The following TAFA5 variants were observed in gnomAD, a reference collection of about 807,000 sequenced individuals.
TAFA5 encodes the protein TAFA chemokine like family member 5, also known as chemokine-like protein TAFA-5.
A neutral mutation model predicts 15.3 loss-of-function variants in TAFA5; 6 were observed. The ratio of observed to expected loss-of-function variants is 0.39; its 90% CI spans 0.21 to 0.77. TAFA5 has a LOEUF of 0.77. TAFA5 is among the 30% of genes least tolerant of loss of function. The probability of loss-of-function intolerance (pLI) is 0.41; values close to 1 mark genes in which losing one functional copy is unlikely to be tolerated. For missense variants in TAFA5, 161 were observed against 193.1 expected (o/e 0.83, Z 0.98); for synonymous variants, 103 against 80.7 (o/e 1.28, Z -1.48).
In TAFA5 at chr22:48,749,917, T is replaced by C. The variant is rs1930433223; in HGVS notation, c.*70T>C. 2 of 1,418,134 alleles carry C rather than the reference T, an allele frequency of 1.4e-6. No individual in the cohort carries two copies. Among genetic ancestry groups the C allele is most frequent in the South Asian group, 1.2e-5 (1 of 81,462 alleles). The allele number at this position is 1,418,134 out of a possible 1,614,324, so 87.8% of individuals were successfully genotyped here. A position where few individuals can be genotyped will look rare whatever the true frequency, so the allele number is the denominator to read the frequency against. ...GGAGAGCCCACGTCTCAGCCACAGT[T>C]CTCCACTCGCCTCGGACTTCACCCG... is the stretch of plus-strand genomic sequence containing the variant. On this transcript the variant is annotated 3_prime_UTR_variant, in exon 4 of 4. Transcript: ENST00000402357.
intron 2 of TAFA5, among the ~76,000 whole-genome samples, chr22:48,684,807 G>T (rs982400271): frequency 6.6e-6 from 1 of 152,138 alleles, no homozygotes; most frequent in Non-Finnish European, 1.5e-5. Flanking sequence ...CCCAGGGCCC[G>T]ACCTGCTCAC....
intron 1 of TAFA5, among the ~76,000 whole-genome samples, chr22:48,642,585 A>AG (rs1926722008): frequency 6.6e-6 from 1 of 151,682 alleles, no homozygotes; most frequent in Non-Finnish European, 1.5e-5. Context: ...GCCGGCCTGG[A>AG]CCCCTCCCCA....
At chr22:48,703,148 ATGTGTGTGCCTG>A (rs1338591494) in intron 2 of TAFA5, among the ~76,000 whole-genome samples, 2 of 152,184 alleles carry the variant, frequency 1.3e-5, no homozygotes, top group African/African-American at 2.4e-5. Context: ...GTAAATGGGC[ATGTGTGTGCCTG>A]TGTGTGTGCC....
chr22:48,601,199 C>G (rs534843684), intron 1 of TAFA5, among the ~76,000 whole-genome samples: 1 of 152,186 alleles, frequency 6.6e-6, no homozygotes, highest in Admixed American at 6.5e-5. Flanking sequence ...GTGTAGGACT[C>G]GGTATTACCC....
At chr22:48,583,248 A>G (rs1569034747) in intron 1 of TAFA5, among the ~76,000 whole-genome samples, 1 of 149,872 alleles carries the variant, frequency 6.7e-6, no homozygotes, top group South Asian at 2.1e-4. Flanking sequence ...CACCGCACAC[A>G]CACCACACAC....
intron 1 of TAFA5, among the ~76,000 whole-genome samples, chr22:48,642,447 C>T (rs564646845): frequency 6.6e-6 from 1 of 152,326 alleles, no homozygotes; most frequent in South Asian, 2.1e-4. Flanking sequence ...CTGAACCCCC[C>T]TTTCTGAGAA....
intron 3 of TAFA5, among the ~76,000 whole-genome samples, chr22:48,723,389 T>C (rs1395988941): frequency 6.6e-6 from 1 of 152,132 alleles, no homozygotes; most frequent in East Asian, 1.9e-4. Context: ...GCACAGGTCC[T>C]TGGATGACAC....
At chr22:48,679,165 G>T (rs111166638) in intron 2 of TAFA5, among the ~76,000 whole-genome samples, 6,807 of 7,410 alleles carry the variant, frequency 0.92, 3,123 homozygotes, top group Middle Eastern at 1. Context: ...CTCCCGGCTC[G>T]GCGTCCATCC....
At chr22:48,597,986 C>T (rs889576040) in intron 1 of TAFA5, among the ~76,000 whole-genome samples, 1 of 152,208 alleles carries the variant, frequency 6.6e-6, no homozygotes, top group East Asian at 1.9e-4. Flanking sequence ...TGTCAGGGTT[C>T]TTCAGAGAAC....
At chr22:48,570,223 T>C (rs968683804) in intron 1 of TAFA5, among the ~76,000 whole-genome samples, 5 of 152,254 alleles carry the variant, frequency 3.3e-5, no homozygotes, top group African/African-American at 1.2e-4. Context: ...TCATGCCCGC[T>C]GAAAACATGG....
intron 3 of TAFA5, among the ~76,000 whole-genome samples, chr22:48,713,902 G>A (rs1929328164): frequency 6.6e-6 from 1 of 152,216 alleles, no homozygotes; most frequent in African/African-American, 2.4e-5. Context: ...TGTCAACGTG[G>A]CCCCACTAAC....
At chr22:48,493,294 G>A (rs1179423245) in intron 1 of TAFA5, among the ~76,000 whole-genome samples, 2 of 152,174 alleles carry the variant, frequency 1.3e-5, no homozygotes, top group African/African-American at 4.8e-5. Flanking sequence ...TGCTGGACAT[G>A]GAAATTTCCA....
At chr22:48,670,379 C>T (rs933139385) in intron 2 of TAFA5, among the ~76,000 whole-genome samples, 7 of 152,206 alleles carry the variant, frequency 4.6e-5, no homozygotes, top group African/African-American at 1.4e-4. Context: ...GACCAAGGCG[C>T]GGAGGACAGA....
intron 1 of TAFA5, among the ~76,000 whole-genome samples, chr22:48,515,760 G>C (rs772207253): frequency 1.3e-5 from 2 of 152,194 alleles, no homozygotes; most frequent in African/African-American, 4.8e-5. Flanking sequence ...GGAAGGGACA[G>C]TGCGGGGACT....
At chr22:48,573,915 G>A (rs1053139068) in intron 1 of TAFA5, among the ~76,000 whole-genome samples, 8 of 152,166 alleles carry the variant, frequency 5.3e-5, no homozygotes, top group Non-Finnish European at 1.0e-4. Flanking sequence ...GTCCCTTTGG[G>A]GGCCAGGGGT....
At chr22:48,496,452 C>T (rs1195771818) in intron 1 of TAFA5, among the ~76,000 whole-genome samples, 3 of 152,196 alleles carry the variant, frequency 2.0e-5, no homozygotes, top group African/African-American at 7.2e-5. Flanking sequence ...GGGAACCTCC[C>T]AGCTCTCAGT....
rs1371333215 is a variant in TAFA5 at position 48,673,411 on chromosome 22, G to A, written c.262+26665G>A. Among the ~76,000 whole-genome samples the A allele has an allele frequency of 8.5e-5, 13 of 152,238 alleles. No homozygotes were observed. The East Asian group carries it at 1.7e-3, about 20-fold the overall frequency. On this transcript the variant is annotated intron_variant, in intron 2 of 3. Coordinates refer to ENST00000402357, the MANE Select transcript of TAFA5 (RefSeq NM_001082967.3). ...CCTCCCAGGCAGTCCTGCCTGTCTC[G>A]TCGCTTTCTGGACAACAGAGGATTA...
chr22:48,603,868 A>G (rs1005169477), intron 1 of TAFA5, among the ~76,000 whole-genome samples: 3 of 151,966 alleles, frequency 2.0e-5, no homozygotes, highest in Non-Finnish European at 4.4e-5. Context: ...CTGGCTCCCA[A>G]CTCGTGCGTC....
At chr22:48,582,317 T>C (rs1924080605) in intron 1 of TAFA5, among the ~76,000 whole-genome samples, 1 of 148,634 alleles carries the variant, frequency 6.7e-6, no homozygotes, top group Non-Finnish European at 1.5e-5. Context: ...ACACGCAAAA[T>C]ACACCACATA....
Sources: gnomAD v4.1 joint callset for allele counts (sites outside exome capture counted in the v4.1 genomes callset) on GRCh38, gnomAD v4.1.1 for gene constraint, MANE v1.5 for transcripts, NCBI Gene and HGNC (gene_info 2026-07-23, HGNC 2026-07-21) for gene names.